The following ADAM7 variants were observed in gnomAD, a reference collection of about 807,000 sequenced individuals.
ADAM7 encodes the protein ADAM metallopeptidase domain 7.
Under a neutral mutation model 102.9 loss-of-function variants are expected in ADAM7, and 97 were observed. That is an observed-to-expected ratio of 0.94 (90% CI 0.80 to 1.12). The LOEUF is 1.12. Among genes scored for constraint, ADAM7 ranks in the 50% most tolerant of loss-of-function variants. The pLI is 0.00. For missense variants in ADAM7, 991 were observed against 908.7 expected (o/e 1.09, Z -1.16); for synonymous variants, 334 against 304.4 (o/e 1.10, Z -1.01).
chr8:24,453,798 T>C (rs1397486793), intron 3 of ADAM7, among the ~76,000 whole-genome samples: 1 of 152,230 alleles, frequency 6.6e-6, no homozygotes, highest in Non-Finnish European at 1.5e-5. Context: ...ACTTTTGGTC[T>C]CTGATGATGG....
rs556266498 is a variant in ADAM7 at position 24,444,709 on chromosome 8, A to T, written c.156+2133A>T. 2.6e-5 allele frequency among the ~76,000 whole-genome samples: 4 copies of T among 152,100 alleles called. No homozygotes were observed. The South Asian group carries it at 8.3e-4, about 32-fold the overall frequency. ...AAAAAAAAACACAAAAAAACGAAAA[A>T]ACCTGAGAAACTGTGAGACTTCAGG... On this transcript the variant is annotated intron_variant, in intron 2 of 21. Transcript: ENST00000175238.
chr8:24,491,371 C>T (rs1820345133), intron 13 of ADAM7, among the ~76,000 whole-genome samples: 1 of 152,178 alleles, frequency 6.6e-6, no homozygotes, highest in South Asian at 2.1e-4. Context: ...AGAAAACAAA[C>T]ATATCTTATG....
chr8:24,464,051 CA>C, intron 4 of ADAM7, 91 bp downstream of exon 4: 1 of 1,121,066 alleles, frequency 8.9e-7, no homozygotes, highest in Non-Finnish European at 1.3e-6. Flanking sequence ...CAAGCTGTTT[CA>C]GAAAGTACTA....
chr8:24,474,031 G>A (rs926989379), intron 7 of ADAM7, among the ~76,000 whole-genome samples: 4 of 152,030 alleles, frequency 2.6e-5, no homozygotes, highest in African/African-American at 7.2e-5. Context: ...TTAATAAAAT[G>A]TTGGCAGTTT....
At chr8:24,493,291 G>C (rs1820432285) in intron 16 of ADAM7, 62 bp downstream of exon 16, 1 of 1,422,858 alleles carries the variant, frequency 7.0e-7, no homozygotes, top group Non-Finnish European at 9.3e-7. Context: ...AAACATTACT[G>C]GATACTGTAA....
At position 24,484,802 on chromosome 8, in the gene ADAM7, C is replaced by CTTT. The variant is rs544478529; in HGVS notation, c.876-455_876-453dup. 2.7e-4 allele frequency among the ~76,000 whole-genome samples: 25 copies of CTTT among 91,948 alleles called. 1 individual carries two copies. Among genetic ancestry groups the CTTT allele is most frequent in the Admixed American group, 3.7e-4 (3 of 8,002 alleles). The allele number at this position is 91,948 out of a possible 152,430, so 60.3% of individuals were successfully genotyped here. A position where few individuals can be genotyped will look rare whatever the true frequency, so the allele number is the denominator to read the frequency against. On this transcript the variant is annotated intron_variant, in intron 9 of 21. Transcript: ENST00000175238. ...CAATTTCAGTGTAAGATTGCACTGG[C>CTTT]TTTTTTTTTTTTTTTTTTTTTTAAT...
At chr8:24,507,891 C>T (rs905619170) in intron 21 of ADAM7, among the ~76,000 whole-genome samples, 6 of 151,964 alleles carry the variant, frequency 3.9e-5, no homozygotes, top group Non-Finnish European at 4.4e-5. Context: ...TAAAAGACTT[C>T]GTAATGTTGG....
chr8:24,461,374 T>C (rs1172199032), intron 3 of ADAM7, among the ~76,000 whole-genome samples: 2 of 152,144 alleles, frequency 1.3e-5, no homozygotes, highest in African/African-American at 4.8e-5. Flanking sequence ...GGAATGTTAA[T>C]GGTTGTACAA....
At chr8:24,444,042 A>G (rs1296479857) in intron 2 of ADAM7, among the ~76,000 whole-genome samples, 1 of 151,552 alleles carries the variant, frequency 6.6e-6, no homozygotes, top group Non-Finnish European at 1.5e-5. Context: ...ATGAACCTAA[A>G]GCTTCTTGTA....
At chr8:24,500,331 T>C in intron 18 of ADAM7, 75 bp downstream of exon 18, 4 of 1,352,694 alleles carry the variant, frequency 3.0e-6, no homozygotes, top group East Asian at 4.7e-5. Context: ...ATTTTTCAAG[T>C]CTGCTACTTA....
In ADAM7 at chr8:24,491,956, T is replaced by G. The variant is rs1316008329; in HGVS notation, c.1410T>G (p.Pro470=). 1 of 1,613,456 alleles carries G rather than the reference T, an allele frequency of 6.2e-7. No individual in the cohort carries two copies. The highest frequency in any genetic ancestry group is 1.7e-5 in the Admixed American group (1 of 59,928). The part of the protein sequence containing the change: ...CRPAKDECDF[P]EMCTGHSPAC... ...CGGCGAAAGATGAATGTGATTTTCCTGAGATGTGCACTGGCCACTCGCCTG... is the reference window on the plus strand; with the variant it reads ...CGGCGAAAGATGAATGTGATTTTCCGGAGATGTGCACTGGCCACTCGCCTG... The change falls in exon 14 of 22, where the codon CCT becomes CCG. Residue 470 remains proline (P), a synonymous_variant. Coordinates refer to ENST00000175238, the MANE Select transcript of ADAM7 (RefSeq NM_003817.4).
chr8:24,494,312 CTA>C (rs1820481128), intron 16 of ADAM7, among the ~76,000 whole-genome samples: 1 of 152,084 alleles, frequency 6.6e-6, no homozygotes, highest in South Asian at 2.1e-4. Flanking sequence ...GCTAAGAAAG[CTA>C]TGTTTGTGAA....
At chr8:24,474,252 CAGAT>C (rs971189135) in intron 7 of ADAM7, among the ~76,000 whole-genome samples, 1 of 152,052 alleles carries the variant, frequency 6.6e-6, no homozygotes, top group Non-Finnish European at 1.5e-5. Context: ...AAGCACTAAA[CAGAT>C]AGGCTTACAC....
At chr8:24,491,815 G>A in intron 13 of ADAM7, 88 bp from the exon 14 acceptor site, 1 of 1,124,512 alleles carries the variant, frequency 8.9e-7, no homozygotes, top group Non-Finnish European at 1.2e-6. Context: ...AACCTTTTTT[G>A]GATGAATGGG....
chr8:24,460,751 A>ATGTGTGTG (rs55815837), intron 3 of ADAM7, among the ~76,000 whole-genome samples: 2 of 149,274 alleles, frequency 1.3e-5, no homozygotes, highest in Non-Finnish European at 3.0e-5. Context: ...ATATGTATGT[A>ATGTGTGTG]TGTGTGTGTG....
Position 24,499,294 on chromosome 8 carries a change from CCT to C in ADAM7, c.1905_1906del (p.Gln636ValfsTer3), listed in dbSNP as rs749076488. ...AAGGTCTATATCTCAACCAATTGCC[CCT>C]CTCAGTGCAATGAAAATCCTGTAAG... On this transcript the variant is annotated frameshift_variant, in exon 17 of 22. Transcript: ENST00000175238. LOFTEE classifies it high-confidence loss of function. 2 of 1,605,998 alleles carry C rather than the reference CCT, an allele frequency of 1.2e-6. No individual in the cohort carries two copies. The highest frequency in any genetic ancestry group is 8.5e-7 in the Non-Finnish European group (1 of 1,176,596).
At chr8:24,444,702 A>C (rs2129371932) in intron 2 of ADAM7, among the ~76,000 whole-genome samples, 1 of 152,098 alleles carries the variant, frequency 6.6e-6, no homozygotes, top group South Asian at 2.1e-4. Context: ...ACACAAAAAA[A>C]CGAAAAAACC....
Position 24,466,668 on chromosome 8 carries a change from C to T in ADAM7, c.390-131C>T, listed in dbSNP as rs146742267. Reference sequence around the variant, plus strand: ...CTCATATCATCACATTTCCTTACCACTGAAAGCACTCTCCTACCTGTTCAT... The same window carrying T: ...CTCATATCATCACATTTCCTTACCATTGAAAGCACTCTCCTACCTGTTCAT... On this transcript the variant is annotated intron_variant, in intron 5 of 21. Transcript: ENST00000175238. The T allele has an allele frequency of 1.2e-3, 861 of 725,732 alleles. 4 individuals are homozygous for T. In the African/African-American group the frequency reaches 0.014, roughly 12 times the overall value. The allele number at this position is 725,732 out of a possible 1,614,324, so 45.0% of individuals were successfully genotyped here. A position where few individuals can be genotyped will look rare whatever the true frequency, so the allele number is the denominator to read the frequency against.
rs1820251310 is a variant in ADAM7 at position 24,489,199 on chromosome 8, T to C, written c.1132T>C (p.Tyr378His). 6.2e-7 allele frequency: 1 copy of C among 1,612,532 alleles called. No homozygotes were observed. The highest frequency in any genetic ancestry group is 1.1e-5 in the South Asian group (1 of 90,656). ...ATTCAGTAAATGCAGCCAAAACCAATACCACCAGTACTTGAAGGATTATAA... is the reference window on the plus strand; with the variant it reads ...ATTCAGTAAATGCAGCCAAAACCAACACCACCAGTACTTGAAGGATTATAA... ...LKFSKCSQNQ[Y>H]HQYLKDYKPT... is the part of the protein sequence containing the mutation. Residue 378 changes from tyrosine to histidine, a missense_variant, in exon 12 of 22, where the codon TAC becomes CAC. Transcript: ENST00000175238.
Sources: allele counts gnomAD v4.1 joint callset (sites outside exome capture counted in the v4.1 genomes callset), GRCh38; gene constraint gnomAD v4.1.1; transcripts MANE v1.5; gene names NCBI Gene and HGNC (gene_info 2026-07-23, HGNC 2026-07-21).